The following EPM2A variants were observed in gnomAD, a reference collection of about 807,000 sequenced individuals.
The protein encoded by EPM2A is laforin.
A neutral mutation model predicts 26.5 loss-of-function variants in EPM2A; 21 were observed. The ratio of observed to expected loss-of-function variants is 0.79; its 90% CI spans 0.56 to 1.14. The LOEUF (loss-of-function observed/expected upper bound fraction) is 1.14. EPM2A is among the 50% of genes most tolerant of loss of function. The probability of loss-of-function intolerance (pLI) is 0.00; values close to 1 mark genes in which losing one functional copy is unlikely to be tolerated. For missense variants in EPM2A, 458 were observed against 440.8 expected (o/e 1.04, Z -0.35); for synonymous variants, 217 against 177.6 (o/e 1.22, Z -1.76).
chr6:145,403,705 T>C lies in EPM2A; in HGVS notation c.556-19608A>G, dbSNP rs192944300. 2.1e-3 allele frequency among the ~76,000 whole-genome samples: 320 copies of C among 152,274 alleles called. 3 individuals are homozygous for C. Among genetic ancestry groups the C allele is most frequent in the African/African-American group, 7.0e-3 (290 of 41,564 alleles). ...GTGTGCTTCCAAATCTTAGCTATTA[T>C]AAACAGTGTTGCAACAAACAGGAGT... On this transcript the variant is annotated intron_variant, in intron 4 of 4. Transcript: ENST00000638717.
chr6:145,447,293 T>A (rs1779139078), intron 4 of EPM2A, among the ~76,000 whole-genome samples: 1 of 152,172 alleles, frequency 6.6e-6, no homozygotes, highest in African/African-American at 2.4e-5. Context: ...CTTCAATCAA[T>A]ATATTTTAAG....
intron 2 of EPM2A, among the ~76,000 whole-genome samples, chr6:145,532,950 G>C (rs1173956280): frequency 3.3e-5 from 5 of 151,994 alleles, no homozygotes; most frequent in Non-Finnish European, 5.9e-5. Context: ...TTTGTCCCTT[G>C]ATGACCCCTA....
chr6:145,465,452 AG>A (rs1286741681), intron 4 of EPM2A, among the ~76,000 whole-genome samples: 1 of 151,942 alleles, frequency 6.6e-6, no homozygotes, highest in Non-Finnish European at 1.5e-5. Context: ...GATTGTCTGA[AG>A]CCTTCTTCTC....
intron 2 of EPM2A, among the ~76,000 whole-genome samples, chr6:145,607,172 A>G (rs1775281712): frequency 6.6e-6 from 1 of 152,156 alleles, no homozygotes. Flanking sequence ...TTACTCAAAT[A>G]ACCTCGTTAA....
rs199633261 is a variant in EPM2A, at chr6:145,514,171, G to A, written c.341-11596C>T. Among the ~76,000 whole-genome samples, 23 of 152,172 alleles carry A rather than the reference G, an allele frequency of 1.5e-4. 1 individual carries two copies. The highest frequency in any genetic ancestry group is 4.3e-4 in the African/African-American group (18 of 41,448). The stretch of plus-strand genomic sequence containing the variant: ...GTCTAAAAAATGTAGTGGAGTATGC[G>A]GATATTTGATGAGAATGGAATATCT... On this transcript the variant is annotated intron_variant, in intron 2 of 3. Transcript: ENST00000450221.
intron 4 of EPM2A, among the ~76,000 whole-genome samples, chr6:145,493,401 A>G (rs1779778830): frequency 6.6e-6 from 1 of 152,094 alleles, no homozygotes; most frequent in South Asian, 2.1e-4. Context: ...ATATGTTGGA[A>G]TTTTCTAGAT....
chr6:145,665,001 C>T (rs1455378760), intron 2 of EPM2A, among the ~76,000 whole-genome samples: 12 of 111,510 alleles, frequency 1.1e-4, no homozygotes, highest in Admixed American at 2.0e-4. Context: ...ATCTCTGGGA[C>T]GCATTCAAAG....
At chr6:145,559,226 G>A (rs1203286670) in intron 2 of EPM2A, among the ~76,000 whole-genome samples, 1 of 152,070 alleles carries the variant, frequency 6.6e-6, no homozygotes, top group Non-Finnish European at 1.5e-5. Context: ...GTTATGATGG[G>A]AAATAGAGAG....
intron 2 of EPM2A, among the ~76,000 whole-genome samples, chr6:145,507,251 CT>C (rs1174458726): frequency 6.6e-6 from 1 of 152,066 alleles, no homozygotes; most frequent in Non-Finnish European, 1.5e-5. Context: ...TTTAGGATGC[CT>C]CGGCCACTTG....
chr6:145,731,882 T>C (rs369426219), intron 1 of EPM2A, among the ~76,000 whole-genome samples: 107 of 152,202 alleles, frequency 7.0e-4, no homozygotes, highest in African/African-American at 2.4e-3. Context: ...CTAACAGGAA[T>C]GGGCTTAGTT....
chr6:145,404,168 C>G (rs1232883972), intron 4 of EPM2A, among the ~76,000 whole-genome samples: 1 of 151,978 alleles, frequency 6.6e-6, no homozygotes, highest in African/African-American at 2.4e-5. Flanking sequence ...GGTTATGAAT[C>G]CCTTGTCAGA....
intron 2 of EPM2A, among the ~76,000 whole-genome samples, chr6:145,548,739 TA>T (rs1780616170): frequency 6.6e-6 from 1 of 152,056 alleles, no homozygotes; most frequent in South Asian, 2.1e-4. Flanking sequence ...CTGCTGCCTT[TA>T]AAAGTCCTCT....
At chr6:145,557,937 T>A (rs908337348) in intron 2 of EPM2A, among the ~76,000 whole-genome samples, 10 of 152,054 alleles carry the variant, frequency 6.6e-5, no homozygotes, top group African/African-American at 2.4e-4. Flanking sequence ...ATTCCTTTGT[T>A]TTTCCATAAG....
At chr6:145,607,222 G>GA (rs1016310160) in intron 2 of EPM2A, among the ~76,000 whole-genome samples, 1 of 152,062 alleles carries the variant, frequency 6.6e-6, no homozygotes, top group South Asian at 2.1e-4. Flanking sequence ...GTTTGAAAGA[G>GA]AAAAAATATC....
intron 4 of EPM2A, among the ~76,000 whole-genome samples, chr6:145,470,047 G>T (rs900548681): frequency 1.3e-5 from 2 of 152,036 alleles, no homozygotes; most frequent in Admixed American, 1.3e-4. Flanking sequence ...GGGGTAGGGG[G>T]AATGGGGATG....
At chr6:145,489,720 T>G in intron 4 of EPM2A, 1 of 1,445,884 alleles carries the variant, frequency 6.9e-7, no homozygotes, top group Non-Finnish European at 9.7e-7. Context: ...ATCCTCAGCA[T>G]CTTCGTGATC....
intron 2 of EPM2A, among the ~76,000 whole-genome samples, chr6:145,560,411 G>C (rs1438424811): frequency 1.3e-5 from 2 of 152,098 alleles, no homozygotes; most frequent in East Asian, 3.9e-4. Flanking sequence ...AATTTCTTCT[G>C]TAAAGGGCCA....
rs745559196 is a variant in EPM2A, at chr6:145,686,174, T to C, written c.424A>G (p.Thr142Ala). The C allele has an allele frequency of 6.2e-7, 1 of 1,614,064 alleles. No individual in the cohort carries two copies. Among genetic ancestry groups the C allele is most frequent in the Non-Finnish European group, 8.5e-7 (1 of 1,179,948 alleles). The change falls in exon 2 of 4, where the codon ACA becomes GCA. Residue 142 changes from threonine (T) to alanine (A), a missense_variant. Physicochemically the swap from Thr to Ala is moderately conservative, Grantham distance 58 (BLOSUM62 0). Transcript: ENST00000367519. ...GCAATATTAAAATAGAAGTCTGTTG[T>C]GTGCTTCATTTCATTGGTGTGCCCA... ...ATGHTNEMKH[T>A]TDFYFNIAGH...
chr6:145,675,391 A>C (rs1779957205), intron 2 of EPM2A, among the ~76,000 whole-genome samples: 1 of 152,212 alleles, frequency 6.6e-6, no homozygotes, highest in African/African-American at 2.4e-5. Context: ...TGGGCAAAAT[A>C]ACCAGCTAAC....
Sources: gnomAD v4.1 joint callset for allele counts (sites outside exome capture counted in the v4.1 genomes callset) on GRCh38, gnomAD v4.1.1 for gene constraint, MANE v1.5 for transcripts, NCBI Gene and HGNC (gene_info 2026-07-23, HGNC 2026-07-21) for gene names.